NDUFA12: variants seen among roughly 807,000 people sequenced by gnomAD.
NDUFA12 encodes NADH dehydrogenase [ubiquinone] 1 alpha subcomplex subunit 12.
Under a neutral mutation model 20.3 loss-of-function variants are expected in NDUFA12, and 17 were observed. The ratio of observed to expected loss-of-function variants is 0.84; its 90% CI spans 0.57 to 1.26. The LOEUF (loss-of-function observed/expected upper bound fraction) is 1.26. Among genes scored for constraint, NDUFA12 ranks in the 50% most tolerant of loss-of-function variants. The pLI, the probability that NDUFA12 is intolerant of heterozygous loss-of-function variation, is 0.00. For missense variants in NDUFA12, 191 were observed against 183.7 expected (o/e 1.04, Z -0.23); for synonymous variants, 72 against 63.6 (o/e 1.13, Z -0.63).
At chr12:94,986,191 T>C (rs1874434850) in intron 3 of NDUFA12, among the ~76,000 whole-genome samples, 1 of 151,740 alleles carries the variant, frequency 6.6e-6, no homozygotes. Flanking sequence ...TAGTGGGCTA[T>C]TAATGTGCCA....
intron 3 of NDUFA12, among the ~76,000 whole-genome samples, chr12:94,985,017 A>G (rs201758428): frequency 2.6e-4 from 3 of 11,448 alleles, no homozygotes; most frequent in African/African-American, 1.2e-3. Flanking sequence ...AATAAGATAA[A>G]ATAAAATAAA....
intron 2 of NDUFA12, chr12:94,997,459 G>T (rs371993133): frequency 5.3e-5 from 8 of 152,064 alleles, no homozygotes; most frequent in African/African-American, 1.7e-4. Context: ...ATTTTTTCAC[G>T]TTATACATTG....
At chr12:94,988,946 T>G (rs940504375) in intron 3 of NDUFA12, among the ~76,000 whole-genome samples, 1 of 152,182 alleles carries the variant, frequency 6.6e-6, no homozygotes, top group African/African-American at 2.4e-5. Flanking sequence ...CCCTAGCTAT[T>G]TCTCCTACCT....
At chr12:94,991,117 G>C (rs1189804839) in intron 3 of NDUFA12, among the ~76,000 whole-genome samples, 3 of 151,808 alleles carry the variant, frequency 2.0e-5, no homozygotes, top group African/African-American at 4.8e-5. Flanking sequence ...AACCTCATCT[G>C]TACTAAAAAT....
intron 3 of NDUFA12, among the ~76,000 whole-genome samples, chr12:94,985,088 C>G (rs1222498282): frequency 6.6e-6 from 1 of 151,616 alleles, no homozygotes; most frequent in Non-Finnish European, 1.5e-5. Context: ...TTTGATAGGC[C>G]AAGGTGGGAG....
At chr12:94,985,650 G>A (rs780695432) in intron 3 of NDUFA12, among the ~76,000 whole-genome samples, 96 of 140,014 alleles carry the variant, frequency 6.9e-4, no homozygotes, top group Non-Finnish European at 1.2e-3. Flanking sequence ...AAAAAAAAGC[G>A]GTTGGCAGGG....
intron 3 of NDUFA12, 58 bp from the exon 4 acceptor site, chr12:94,971,678 G>C: frequency 1.3e-6 from 2 of 1,592,936 alleles, no homozygotes; most frequent in Non-Finnish European, 1.7e-6. Context: ...ATAGTGGAAG[G>C]ACGGTTAAAA....
At chr12:94,973,741 A>G (rs941974083) in intron 3 of NDUFA12, among the ~76,000 whole-genome samples, 1 of 152,230 alleles carries the variant, frequency 6.6e-6, no homozygotes, top group Non-Finnish European at 1.5e-5. Flanking sequence ...ACAAAATCTG[A>G]AAATATTTAT....
intron 3 of NDUFA12, 62 bp downstream of exon 3, chr12:94,994,108 A>G (rs1874739565): frequency 1.4e-6 from 2 of 1,407,310 alleles, no homozygotes; most frequent in East Asian, 2.3e-5. Flanking sequence ...TGGGTGACAG[A>G]GTGAGACCCT....
In NDUFA12 at chr12:94,980,662, A is replaced by C. The variant is rs187234787; in HGVS notation, c.258-9042T>G. On this transcript the variant is annotated intron_variant, in intron 3 of 3. Coordinates refer to ENST00000327772, the MANE Select transcript of NDUFA12 (RefSeq NM_018838.5). ...ATTTATGTATTACTTCAGTAAATTA[A>C]TTTTAATAAGAAAAATCAATGTACG... is the stretch of plus-strand genomic sequence containing the variant. Among the ~76,000 whole-genome samples the C allele has an allele frequency of 4.0e-3, 612 of 152,302 alleles. 4 individuals carry two copies. Among genetic ancestry groups the C allele is most frequent in the African/African-American group, 0.014 (583 of 41,574 alleles).
intron 2 of NDUFA12, among the ~76,000 whole-genome samples, chr12:95,001,439 G>T (rs1875022365): frequency 6.6e-6 from 1 of 152,018 alleles, no homozygotes; most frequent in African/African-American, 2.4e-5. Context: ...AAGAAACATA[G>T]CAAGACCTCG....
At chr12:95,001,577 A>G (rs1194709112) in intron 2 of NDUFA12, among the ~76,000 whole-genome samples, 4 of 152,104 alleles carry the variant, frequency 2.6e-5, no homozygotes, top group Non-Finnish European at 5.9e-5. Context: ...GTAGTGAGCC[A>G]TGATCGAGTC....
chr12:94,997,321 G>A (rs10745715), intron 2 of NDUFA12: 59,757 of 152,438 alleles, frequency 0.39, 12,313 homozygotes, highest in East Asian at 0.58. Context: ...CTTCATCTGT[G>A]AAATGGGGGC....
At chr12:94,978,358 G>A (rs1011105040) in intron 3 of NDUFA12, among the ~76,000 whole-genome samples, 1 of 152,232 alleles carries the variant, frequency 6.6e-6, no homozygotes, top group Non-Finnish European at 1.5e-5. Context: ...CATAGAGGCA[G>A]TGATGAGATG....
At chr12:94,984,009 G>A (rs1874326781) in intron 3 of NDUFA12, among the ~76,000 whole-genome samples, 1 of 152,088 alleles carries the variant, frequency 6.6e-6, no homozygotes, top group South Asian at 2.1e-4. Context: ...GCTGGTTTGG[G>A]GTGCTGGAGG....
intron 3 of NDUFA12, among the ~76,000 whole-genome samples, chr12:94,987,845 A>G (rs1318562899): frequency 6.6e-6 from 1 of 151,954 alleles, no homozygotes; most frequent in Non-Finnish European, 1.5e-5. Context: ...GCACAAGAAT[A>G]ATATGGCCTT....
chr12:94,994,050 G>C, intron 3 of NDUFA12, 120 bp downstream of exon 3: 1 of 828,978 alleles, frequency 1.2e-6, no homozygotes. Flanking sequence ...CTTGAGCCTG[G>C]GAGGTCAAAG....
chr12:94,979,133 CA>C (rs554882413), intron 3 of NDUFA12, among the ~76,000 whole-genome samples: 225 of 152,152 alleles, frequency 1.5e-3, no homozygotes, highest in Non-Finnish European at 2.0e-3. Flanking sequence ...GAGGCTGAGG[CA>C]GGGGGGATGC....
At chr12:94,999,547 A>C (rs1874950083) in intron 2 of NDUFA12, among the ~76,000 whole-genome samples, 1 of 152,248 alleles carries the variant, frequency 6.6e-6, no homozygotes, top group African/African-American at 2.4e-5. Flanking sequence ...GACAACCCAC[A>C]AAGTGGGAGA....
Sources: allele counts gnomAD v4.1 joint callset (sites outside exome capture counted in the v4.1 genomes callset), GRCh38; gene constraint gnomAD v4.1.1; transcripts MANE v1.5; gene names NCBI Gene and HGNC (gene_info 2026-07-23, HGNC 2026-07-21).